ZMIZ1: variants seen among roughly 807,000 people sequenced by gnomAD.
ZMIZ1 encodes zinc finger MIZ domain-containing protein 1.
Under a neutral mutation model 113.9 loss-of-function variants are expected in ZMIZ1, and 17 were observed. The observed-to-expected ratio is 0.15, with a 90% CI of 0.10 to 0.22. ZMIZ1 has a LOEUF of 0.22. ZMIZ1 is among the 10% of genes least tolerant of loss of function. The probability of loss-of-function intolerance (pLI) is 1.00; values close to 1 mark genes in which losing one functional copy is unlikely to be tolerated. For missense variants in ZMIZ1, 1,059 were observed against 1,477.8 expected (o/e 0.72, Z 4.65); for synonymous variants, 607 against 603.1 (o/e 1.01, Z -0.09).
intron 7 of ZMIZ1, among the ~76,000 whole-genome samples, chr10:79,255,142 G>T (rs1363090435): frequency 6.6e-6 from 1 of 152,208 alleles, no homozygotes; most frequent in Admixed American, 6.5e-5. Context: ...CTGCCAGGTG[G>T]GCAGCTCCCC....
chr10:79,223,675 A>G (rs1034605247), intron 7 of ZMIZ1, among the ~76,000 whole-genome samples: 1 of 152,268 alleles, frequency 6.6e-6, no homozygotes, highest in Non-Finnish European at 1.5e-5. Flanking sequence ...AAACGGGAAG[A>G]CACAGACCCA....
chr10:79,162,124 G>T lies in ZMIZ1; in HGVS notation c.-59G>T. The stretch of plus-strand genomic sequence containing the variant: ...GCGTGTGGAACACTGGTGGTTTGCA[G>T]ATCACTGAGGTAGGTGTGCCACGGG... On this transcript the variant is annotated 5_prime_UTR_variant, in exon 4 of 25. Transcript: ENST00000334512. 2.5e-6 allele frequency: 1 copy of T among 399,524 alleles called. No homozygotes were observed. The highest frequency in any genetic ancestry group is 4.4e-6 in the Non-Finnish European group (1 of 226,374). The allele number at this position is 399,524 out of a possible 1,614,324, so 24.7% of individuals were successfully genotyped here.
At chr10:79,130,381 G>C (rs1342110784) in intron 2 of ZMIZ1, among the ~76,000 whole-genome samples, 1 of 152,158 alleles carries the variant, frequency 6.6e-6, no homozygotes, top group Non-Finnish European at 1.5e-5. Flanking sequence ...TGAGTGCCAG[G>C]CCCAGCGCTG....
At chr10:79,224,788 A>T (rs1227178825) in intron 7 of ZMIZ1, among the ~76,000 whole-genome samples, 1 of 152,230 alleles carries the variant, frequency 6.6e-6, no homozygotes, top group African/African-American at 2.4e-5. Context: ...GGGTTCCCAC[A>T]GGCAGAGCCT....
At chr10:79,238,246 G>A (rs1392495120) in intron 7 of ZMIZ1, among the ~76,000 whole-genome samples, 2 of 152,228 alleles carry the variant, frequency 1.3e-5, no homozygotes, top group Non-Finnish European at 2.9e-5. Flanking sequence ...GAGGTACTGA[G>A]TGGAGGTGTG....
rs566110753 is a variant in ZMIZ1 at position 79,314,858 on chromosome 10, A to G, written c.*2109A>G. ...AGGTAGCATGTGGCCACCCTTGCCC[A>G]GTGTCTGTGGCCTGGCAAGTGGCCA... On this transcript the variant is annotated 3_prime_UTR_variant, in exon 25 of 25. Coordinates refer to ENST00000334512, the MANE Select transcript of ZMIZ1 (RefSeq NM_020338.4). 41 of 153,842 alleles carry G rather than the reference A, an allele frequency of 2.7e-4. No individual in the cohort carries two copies. Among genetic ancestry groups the G allele is most frequent in the Admixed American group, 9.1e-4 (14 of 15,398 alleles). The allele number at this position is 153,842 out of a possible 1,614,324, so 9.5% of individuals were successfully genotyped here. A position where few individuals can be genotyped will look rare whatever the true frequency, so the allele number is the denominator to read the frequency against.
At chr10:79,096,511 CAAAAGAAAAG>C (rs373538522) in intron 1 of ZMIZ1, among the ~76,000 whole-genome samples, 3,330 of 150,146 alleles carry the variant, frequency 0.022, 55 homozygotes, top group Non-Finnish European at 0.033. Context: ...GACTCCGTCT[CAAAAGAAAAG>C]AAAAGAAAAG....
chr10:79,274,468 G>A (rs914343303), intron 7 of ZMIZ1, among the ~76,000 whole-genome samples: 3 of 152,342 alleles, frequency 2.0e-5, no homozygotes, highest in Middle Eastern at 6.8e-3. Context: ...GTCTGTCCCT[G>A]TCAGCCCTCC....
chr10:79,083,626 G>A (rs532621351), intron 1 of ZMIZ1, among the ~76,000 whole-genome samples: 51 of 152,306 alleles, frequency 3.3e-4, no homozygotes, highest in Non-Finnish European at 5.1e-4. Flanking sequence ...AGGGACAAGG[G>A]TGGCCACAAG....
At chr10:79,189,608 G>C (rs1388800836) in intron 4 of ZMIZ1, among the ~76,000 whole-genome samples, 3 of 152,248 alleles carry the variant, frequency 2.0e-5, no homozygotes, top group Non-Finnish European at 4.4e-5. Context: ...CAGGATGCAA[G>C]CCCAGGCAGC....
Position 79,083,454 on chromosome 10 carries a change from A to G in ZMIZ1, c.-337+14184A>G, listed in dbSNP as rs549636816. Among the ~76,000 whole-genome samples the G allele has an allele frequency of 3.2e-4, 48 of 152,324 alleles. 1 individual carries two copies. In the South Asian group the frequency reaches 9.1e-3, roughly 29 times the overall value. On this transcript the variant is annotated intron_variant, in intron 1 of 24. Transcript: ENST00000334512. ...TGGGGAGGAAGTCAACAGAGTGATC[A>G]GGGACCAGGTGATAAGGGACAGAGA...
intron 4 of ZMIZ1, among the ~76,000 whole-genome samples, chr10:79,165,678 G>A (rs987210740): frequency 4.6e-5 from 7 of 152,314 alleles, no homozygotes; most frequent in African/African-American, 1.4e-4. Context: ...TGGGGCCCAA[G>A]CATTCAGGCC....
At chr10:79,310,309 C>G (rs1855039252) in intron 23 of ZMIZ1, among the ~76,000 whole-genome samples, 1 of 152,212 alleles carries the variant, frequency 6.6e-6, no homozygotes. Context: ...CCCTGCTCCT[C>G]TGACAGCCAA....
In ZMIZ1 at chr10:79,305,095, G is replaced by A. The variant is rs1451972062; in HGVS notation, c.2287-69G>A. 2.6e-6 allele frequency: 4 copies of A among 1,561,296 alleles called. No individual in the cohort carries two copies. The Admixed American group carries it at 6.7e-5, about 26-fold the overall frequency. ...CTCTGGTGGGGAAGTTATTCCAAGGGTCCCTGAGGCACATCTAGGCAGTTT... is the reference window on the plus strand; with the variant it reads ...CTCTGGTGGGGAAGTTATTCCAAGGATCCCTGAGGCACATCTAGGCAGTTT... On this transcript the variant is annotated intron_variant, in intron 19 of 24. Transcript: ENST00000334512.
chr10:79,246,466 C>T (rs1850205904), intron 7 of ZMIZ1, among the ~76,000 whole-genome samples: 1 of 152,186 alleles, frequency 6.6e-6, no homozygotes, highest in Non-Finnish European at 1.5e-5. Context: ...CGGCATGGGT[C>T]CCTCGGGAGA....
At position 79,118,245 on chromosome 10, in the gene ZMIZ1, T is replaced by C. The variant is rs1377715901; in HGVS notation, c.-336-670T>C. Reference sequence around the variant, plus strand: ...GAGGAAGGGATGGGGGGAGGCCTCCTGACTTCAGTCAGCCCATGTTTTTCT... The same window carrying C: ...GAGGAAGGGATGGGGGGAGGCCTCCCGACTTCAGTCAGCCCATGTTTTTCT... On this transcript the variant is annotated intron_variant, in intron 1 of 24. Coordinates refer to ENST00000334512, the MANE Select transcript of ZMIZ1 (RefSeq NM_020338.4). This position sits in a 1 kb window ranked among gnomAD's most constrained non-coding sequence, Gnocchi z 4.1. Among the ~76,000 whole-genome samples, 1 of 152,190 alleles carries C rather than the reference T, an allele frequency of 6.6e-6. No homozygotes were observed. The highest frequency in any genetic ancestry group is 1.9e-4 in the East Asian group (1 of 5,194).
At chr10:79,078,902 G>A (rs1842568710) in intron 1 of ZMIZ1, among the ~76,000 whole-genome samples, 1 of 151,700 alleles carries the variant, frequency 6.6e-6, no homozygotes, top group South Asian at 2.1e-4. Flanking sequence ...GACCATTTTG[G>A]GAAACGCCCG....
At chr10:79,078,903 G>T (rs569512521) in intron 1 of ZMIZ1, among the ~76,000 whole-genome samples, 2 of 151,954 alleles carry the variant, frequency 1.3e-5, no homozygotes, top group African/African-American at 4.8e-5. Context: ...ACCATTTTGG[G>T]AAACGCCCGC....
chr10:79,198,858 A>AC (rs1847949485), intron 4 of ZMIZ1, among the ~76,000 whole-genome samples: 1 of 151,926 alleles, frequency 6.6e-6, no homozygotes, highest in Non-Finnish European at 1.5e-5. Context: ...GTATGGTGAA[A>AC]CCCCATCTCT....
Sources: gnomAD v4.1 joint callset for allele counts (sites outside exome capture counted in the v4.1 genomes callset) on GRCh38, gnomAD v4.1.1 for gene constraint, Gnocchi (gnomAD v3.1) non-coding constraint, MANE v1.5 for transcripts, NCBI Gene and HGNC (gene_info 2026-07-23, HGNC 2026-07-21) for gene names.